Variants in PAN3 observed in about 807,000 individuals in gnomAD.
The protein encoded by PAN3 is poly(A) specific ribonuclease subunit PAN3.
In PAN3, 19 loss-of-function variants were observed where a neutral mutation model predicts 96.2. That is an observed-to-expected ratio of 0.20 (90% CI 0.14 to 0.29). PAN3 has a LOEUF of 0.29. PAN3 is among the 10% of genes least tolerant of loss of function. PAN3 has a pLI of 1.00. For missense variants in PAN3, 882 were observed against 1,108.1 expected (o/e 0.80, Z 2.90); for synonymous variants, 433 against 406.6 (o/e 1.06, Z -0.78).
intron 18 of PAN3, among the ~76,000 whole-genome samples, chr13:28,289,866 A>G (rs1351119084): frequency 6.6e-6 from 1 of 152,176 alleles, no homozygotes. Flanking sequence ...TGGCCGATAG[A>G]GCGAGACTCC....
chr13:28,291,425 G>A (rs1393818613), intron 18 of PAN3, among the ~76,000 whole-genome samples: 2 of 152,124 alleles, frequency 1.3e-5, no homozygotes, highest in Non-Finnish European at 2.9e-5. Flanking sequence ...ATTTACACAA[G>A]CAGAAATACC....
At chr13:28,147,855 A>G (rs1419462329) in intron 1 of PAN3, among the ~76,000 whole-genome samples, 1 of 152,162 alleles carries the variant, frequency 6.6e-6, no homozygotes, top group Non-Finnish European at 1.5e-5. Context: ...CTTCCCTGAA[A>G]AAAGCTTTGT....
intron 1 of PAN3, among the ~76,000 whole-genome samples, chr13:28,156,661 CA>C (rs1872209142): frequency 6.6e-6 from 1 of 152,066 alleles, no homozygotes; most frequent in Admixed American, 6.6e-5. Context: ...AAATCTTCAA[CA>C]AAATACTAGC....
At chr13:28,276,241 C>T (rs759650786) in intron 14 of PAN3, among the ~76,000 whole-genome samples, 7 of 152,114 alleles carry the variant, frequency 4.6e-5, no homozygotes, top group Non-Finnish European at 8.8e-5. Flanking sequence ...TAATATACAG[C>T]TATGCTTGAA....
chr13:28,287,782 C>T (rs1191803126), intron 17 of PAN3, among the ~76,000 whole-genome samples: 1 of 152,114 alleles, frequency 6.6e-6, no homozygotes, highest in Non-Finnish European at 1.5e-5. Flanking sequence ...GGATGATTTC[C>T]CCCTGACATT....
intron 4 of PAN3, among the ~76,000 whole-genome samples, chr13:28,191,405 T>G (rs921223370): frequency 1.3e-5 from 2 of 152,220 alleles, no homozygotes; most frequent in African/African-American, 4.8e-5. Flanking sequence ...TTGTGTCTTT[T>G]TACCCCCAGA....
At chr13:28,288,916 T>C (rs1020237018) in intron 18 of PAN3, among the ~76,000 whole-genome samples, 5 of 139,506 alleles carry the variant, frequency 3.6e-5, no homozygotes, top group African/African-American at 1.3e-4. Flanking sequence ...AAGCTCCGCC[T>C]CCCGGGTTCA....
At chr13:28,197,611 C>T (rs1878215059) in intron 5 of PAN3, among the ~76,000 whole-genome samples, 2 of 151,884 alleles carry the variant, frequency 1.3e-5, no homozygotes, top group African/African-American at 4.8e-5. Flanking sequence ...CTCACTCTGT[C>T]CCCCAGGCTG....
intron 6 of PAN3, among the ~76,000 whole-genome samples, chr13:28,248,106 A>G (rs1884380292): frequency 6.6e-6 from 1 of 151,998 alleles, no homozygotes. Context: ...TCAGTGTTTT[A>G]TAGTTTTGCT....
intron 1 of PAN3, among the ~76,000 whole-genome samples, chr13:28,162,094 G>A (rs1872948596): frequency 6.6e-6 from 1 of 152,168 alleles, no homozygotes; most frequent in African/African-American, 2.4e-5. Context: ...AATATCAACT[G>A]GGCATGCCAG....
At chr13:28,188,250 AT>A (rs11405901) in intron 4 of PAN3, among the ~76,000 whole-genome samples, 2 of 151,740 alleles carry the variant, frequency 1.3e-5, no homozygotes, top group East Asian at 1.9e-4. Flanking sequence ...ATAAGCCTGC[AT>A]TTTTTTTGCA....
intron 5 of PAN3, among the ~76,000 whole-genome samples, chr13:28,203,822 T>G (rs1449030186): frequency 1.3e-5 from 2 of 151,088 alleles, no homozygotes; most frequent in Non-Finnish European, 3.0e-5. Flanking sequence ...TTTTTTTTTT[T>G]GAGACGGAGT....
chr13:28,147,895 C>G (rs1311458819), intron 1 of PAN3, among the ~76,000 whole-genome samples: 1 of 152,122 alleles, frequency 6.6e-6, no homozygotes, highest in Non-Finnish European at 1.5e-5. Context: ...GGCATTCTCT[C>G]TCTTGCTTTT....
intron 5 of PAN3, among the ~76,000 whole-genome samples, chr13:28,207,216 A>G (rs1041910633): frequency 6.6e-6 from 1 of 152,142 alleles, no homozygotes; most frequent in Non-Finnish European, 1.5e-5. Context: ...CTAACTTGTG[A>G]GCTCTTTTTG....
In PAN3 at chr13:28,143,010, C is replaced by T. The variant is rs1318571975; in HGVS notation, c.430+3923C>T. Among the ~76,000 whole-genome samples, 3 of 152,136 alleles carry T rather than the reference C, an allele frequency of 2.0e-5. No individual in the cohort carries two copies. The East Asian group carries it at 5.8e-4, about 29-fold the overall frequency. ...AGAAAACTTTATCTTTATTTTGCAG[C>T]CATTGGAAAACTGAAGCACAAAGGC... On this transcript the variant is annotated intron_variant, in intron 1 of 18. Coordinates refer to ENST00000380958, the MANE Select transcript of PAN3 (RefSeq NM_175854.8).
At chr13:28,146,357 T>C (rs1009288735) in intron 1 of PAN3, among the ~76,000 whole-genome samples, 1 of 151,526 alleles carries the variant, frequency 6.6e-6, no homozygotes, top group Non-Finnish European at 1.5e-5. Context: ...AAGAAAATAT[T>C]ATAGGCTGGG....
rs1228429297 is a variant in PAN3 at position 28,252,931 on chromosome 13, C to A, written c.1001-3361C>A. Among the ~76,000 whole-genome samples the A allele has an allele frequency of 2.6e-5, 4 of 152,024 alleles. No individual in the cohort carries two copies. In the East Asian group the frequency reaches 7.7e-4, roughly 29 times the overall value. On this transcript the variant is annotated intron_variant, in intron 6 of 18. Transcript: ENST00000380958. ...GAGTGTCAGTTAATATCAGGGTGTT[C>A]CAGTAACCATTGGTAGCCCTTTCCC...
At chr13:28,157,685 A>G (rs1472251513) in intron 1 of PAN3, among the ~76,000 whole-genome samples, 3 of 152,208 alleles carry the variant, frequency 2.0e-5, no homozygotes, top group African/African-American at 4.8e-5. Context: ...TAATTAGGAA[A>G]CACTGCTAAA....
At chr13:28,154,825 TTTC>T (rs1393059253) in intron 1 of PAN3, among the ~76,000 whole-genome samples, 1 of 149,752 alleles carries the variant, frequency 6.7e-6, no homozygotes, top group East Asian at 2.0e-4. Flanking sequence ...TTTTTTTTCT[TTTC>T]TTTTTTTTTT....
Sources: gnomAD v4.1 joint callset for allele counts (sites outside exome capture counted in the v4.1 genomes callset) on GRCh38, gnomAD v4.1.1 for gene constraint, MANE v1.5 for transcripts, NCBI Gene and HGNC (gene_info 2026-07-23, HGNC 2026-07-21) for gene names.